PTPRD: variants seen among roughly 807,000 people sequenced by gnomAD.
The protein encoded by PTPRD is receptor-type tyrosine-protein phosphatase delta.
PTPRD carries 34 observed loss-of-function variants against 214.5 expected under a neutral mutation model. That is an observed-to-expected ratio of 0.16 (90% CI 0.12 to 0.21). The LOEUF is 0.21. Ranked by LOEUF, PTPRD falls within the 10% of genes least tolerant of loss-of-function variation. The pLI, the probability that PTPRD is intolerant of heterozygous loss-of-function variation, is 1.00. For synonymous variants in PTPRD, 1,128 were observed against 845.7 expected, an observed-to-expected ratio of 1.33 and a Z score of -5.79; for missense variants, 2,545 against 2,398.7, an observed-to-expected ratio of 1.06 and a Z score of -1.27.
chr9:9,121,864 C>T (rs955893109), intron 10 of PTPRD, among the ~76,000 whole-genome samples: 2 of 152,196 alleles, frequency 1.3e-5, no homozygotes, highest in Admixed American at 1.3e-4. Flanking sequence ...TGTAAAAAAA[C>T]TTGATCAGAT....
chr9:8,822,474 G>C (rs1304205315), intron 11 of PTPRD, among the ~76,000 whole-genome samples: 6 of 152,194 alleles, frequency 3.9e-5, no homozygotes, highest in African/African-American at 1.2e-4. Flanking sequence ...TTCTCCCAGA[G>C]AGAGTAGAAC....
intron 44 of PTPRD, among the ~76,000 whole-genome samples, chr9:8,331,077 T>G (rs889984393): frequency 9.6e-5 from 14 of 145,726 alleles, no homozygotes; most frequent in African/African-American, 3.6e-4. Context: ...AACTTGAAGG[T>G]GCTTCATTTT....
At chr9:8,595,483 G>C (rs1260603788) in intron 14 of PTPRD, among the ~76,000 whole-genome samples, 1 of 152,002 alleles carries the variant, frequency 6.6e-6, no homozygotes, top group Non-Finnish European at 1.5e-5. Flanking sequence ...GCCATGAGTG[G>C]AGAAAAACAA....
chr9:9,768,204 A>G (rs1394786225), intron 5 of PTPRD, among the ~76,000 whole-genome samples: 2 of 152,114 alleles, frequency 1.3e-5, no homozygotes, highest in Non-Finnish European at 2.9e-5. Context: ...TAATCAGCCA[A>G]CGCTGTAGAC....
intron 11 of PTPRD, among the ~76,000 whole-genome samples, chr9:8,752,029 G>A (rs775981444): frequency 6.6e-6 from 1 of 152,184 alleles, no homozygotes; most frequent in Non-Finnish European, 1.5e-5. Context: ...TCAGGAAGAA[G>A]CTCTGCATGG....
At chr9:8,469,055 A>C (rs2096601938) in intron 31 of PTPRD, among the ~76,000 whole-genome samples, 1 of 152,044 alleles carries the variant, frequency 6.6e-6, no homozygotes, top group Admixed American at 6.6e-5. Flanking sequence ...AGTGGGAAAC[A>C]ACCCATCCCG....
intron 11 of PTPRD, among the ~76,000 whole-genome samples, chr9:8,849,076 T>C (rs1435866942): frequency 1.3e-5 from 2 of 152,198 alleles, no homozygotes; most frequent in Non-Finnish European, 2.9e-5. Context: ...ATTTTAATTT[T>C]TACCTATCTC....
At chr9:10,490,079 C>T (rs2039682936) in intron 2 of PTPRD, among the ~76,000 whole-genome samples, 1 of 152,192 alleles carries the variant, frequency 6.6e-6, no homozygotes, top group African/African-American at 2.4e-5. Flanking sequence ...GACTCCCATT[C>T]TCCCATCTTT....
chr9:10,542,391 A>C (rs2059306477), intron 2 of PTPRD, among the ~76,000 whole-genome samples: 1 of 152,174 alleles, frequency 6.6e-6, no homozygotes, highest in African/African-American at 2.4e-5. Flanking sequence ...ATAAATCTTA[A>C]ATATTTTATT....
intron 14 of PTPRD, among the ~76,000 whole-genome samples, chr9:8,532,839 C>T (rs953001102): frequency 6.6e-6 from 1 of 151,782 alleles, no homozygotes; most frequent in Non-Finnish European, 1.5e-5. Flanking sequence ...AATATAGCAC[C>T]CTCTTTGAAT....
At chr9:9,969,598 A>G (rs1261741815) in intron 4 of PTPRD, among the ~76,000 whole-genome samples, 4 of 152,178 alleles carry the variant, frequency 2.6e-5, no homozygotes, top group African/African-American at 9.6e-5. Flanking sequence ...GTAAACACAG[A>G]GCACAGAATG....
intron 33 of PTPRD, among the ~76,000 whole-genome samples, chr9:8,457,064 G>A (rs1160393013): frequency 6.6e-6 from 1 of 152,170 alleles, no homozygotes; most frequent in Non-Finnish European, 1.5e-5. Context: ...TGTTGGAGTA[G>A]ATGGACGTGC....
chr9:10,037,578 TG>T (rs141605666), intron 3 of PTPRD, among the ~76,000 whole-genome samples: 26,529 of 120,606 alleles, frequency 0.22, 2,830 homozygotes, highest in East Asian at 0.44. Flanking sequence ...TTTATAGCAG[TG>T]GAAAAAAAAA....
intron 2 of PTPRD, among the ~76,000 whole-genome samples, chr9:10,501,227 G>T (rs1323492236): frequency 6.6e-6 from 1 of 151,954 alleles, no homozygotes; most frequent in East Asian, 1.9e-4. Flanking sequence ...TGGGATAAAA[G>T]CCATTTTAAC....
chr9:8,648,622 C>A (rs531536160), intron 12 of PTPRD, among the ~76,000 whole-genome samples: 1 of 152,324 alleles, frequency 6.6e-6, no homozygotes, highest in East Asian at 1.9e-4. Context: ...GACTGTGCAT[C>A]CGTTTTGTTC....
intron 3 of PTPRD, among the ~76,000 whole-genome samples, chr9:10,242,604 A>G (rs1415628489): frequency 1.3e-5 from 1 of 74,900 alleles, no homozygotes; most frequent in Admixed American, 1.8e-4. Context: ...GCAGGCATTG[A>G]ATACATTTTT....
rs555724365 is a variant in PTPRD, at chr9:10,316,927, A to G, written c.-545+24036T>C. Reference sequence around the variant, plus strand: ...ACTATAGATTTTAAACCTGATCCCAATTGCTTTTTAAGGAGTCTCTAAATA... The same window carrying G: ...ACTATAGATTTTAAACCTGATCCCAGTTGCTTTTTAAGGAGTCTCTAAATA... On this transcript the variant is annotated intron_variant, in intron 3 of 45. Coordinates refer to ENST00000381196, the MANE Select transcript of PTPRD (RefSeq NM_002839.4). Among the ~76,000 whole-genome samples the G allele has an allele frequency of 3.3e-5, 5 of 152,026 alleles. No homozygotes were observed. In the South Asian group the frequency reaches 8.3e-4, roughly 25 times the overall value.
chr9:10,217,448 G>A (rs560884827), intron 3 of PTPRD, among the ~76,000 whole-genome samples: 2 of 152,002 alleles, frequency 1.3e-5, no homozygotes, highest in African/African-American at 4.8e-5. Flanking sequence ...AAAGAGGGAT[G>A]TGAACAGAAG....
Position 8,482,282 on chromosome 9 carries a change from A to ACTC in PTPRD, c.3413+1836_3413+1837insGAG, listed in dbSNP as rs1425751256. Among the ~76,000 whole-genome samples the ACTC allele has an allele frequency of 6.2e-3, 437 of 70,462 alleles. 2 individuals are homozygous for ACTC. The highest frequency in any genetic ancestry group is 0.025 in the African/African-American group (394 of 15,606). 46.2% of individuals were successfully genotyped at this position (70,462 alleles called of 152,430 possible). ...TGATCTCATCATTAAAGCAGCTACCAATAATGTATGCTGTACTACTACTCT... is the reference window on the plus strand; with the variant it reads ...TGATCTCATCATTAAAGCAGCTACCACTCATAATGTATGCTGTACTACTACTCT... On this transcript the variant is annotated intron_variant, in intron 30 of 45. Coordinates refer to ENST00000381196, the MANE Select transcript of PTPRD (RefSeq NM_002839.4).
Sources: gnomAD v4.1 joint callset for allele counts (sites outside exome capture counted in the v4.1 genomes callset) on GRCh38, gnomAD v4.1.1 for gene constraint, MANE v1.5 for transcripts, NCBI Gene and HGNC (gene_info 2026-07-23, HGNC 2026-07-21) for gene names.